CYP19A1: variants seen among roughly 807,000 people sequenced by gnomAD.
CYP19A1 encodes aromatase.
Under a neutral mutation model 44.4 loss-of-function variants are expected in CYP19A1, and 32 were observed. The ratio of observed to expected loss-of-function variants is 0.72; its 90% CI spans 0.54 to 0.97. CYP19A1 has a LOEUF of 0.97. Among genes scored for constraint, CYP19A1 ranks in the 50% least tolerant of loss-of-function variants. The pLI, the probability that CYP19A1 is intolerant of heterozygous loss-of-function variation, is 0.00. For synonymous variants in CYP19A1, 212 were observed against 215.6 expected (o/e 0.98, Z 0.14); for missense variants, 598 against 637.8 (o/e 0.94, Z 0.67).
chr15:51,218,714 A>G, intron 5 of CYP19A1, 59 bp from the exon 6 acceptor site: 2 of 1,563,472 alleles, frequency 1.3e-6, no homozygotes, highest in Admixed American at 1.9e-5. Context: ...ATGTGAGCCT[A>G]AGAAGGTTGC....
intron 1 of CYP19A1, among the ~76,000 whole-genome samples, chr15:51,255,065 G>A (rs1158809681): frequency 6.6e-6 from 1 of 152,134 alleles, no homozygotes; most frequent in Non-Finnish European, 1.5e-5. Context: ...CTTAAGCTGA[G>A]TCTTAAGGGT....
intron 1 of CYP19A1, among the ~76,000 whole-genome samples, chr15:51,281,908 C>T (rs1264455808): frequency 6.6e-6 from 1 of 152,046 alleles, no homozygotes; most frequent in Non-Finnish European, 1.5e-5. Context: ...CTCTTTGTGG[C>T]TCATATTTTG....
At chr15:51,252,948 G>T (rs1288088931) in intron 1 of CYP19A1, among the ~76,000 whole-genome samples, 1 of 152,160 alleles carries the variant, frequency 6.6e-6, no homozygotes, top group Non-Finnish European at 1.5e-5. Context: ...GGCTTTATGA[G>T]TAGGTCTTGA....
chr15:51,223,605 A>T (rs1038050483), intron 4 of CYP19A1, among the ~76,000 whole-genome samples: 14 of 145,096 alleles, frequency 9.6e-5, no homozygotes, highest in Admixed American at 1.3e-4. Context: ...ACACACACAC[A>T]CACACACACA....
intron 1 of CYP19A1, among the ~76,000 whole-genome samples, chr15:51,291,539 A>G (rs1033382689): frequency 6.6e-6 from 1 of 152,244 alleles, no homozygotes; most frequent in Non-Finnish European, 1.5e-5. Context: ...AGAAAAGTGT[A>G]CAACTAGGAT....
At chr15:51,307,831 G>A (rs1369576146) in intron 1 of CYP19A1, among the ~76,000 whole-genome samples, 1 of 152,192 alleles carries the variant, frequency 6.6e-6, no homozygotes, top group Non-Finnish European at 1.5e-5. Flanking sequence ...CTCTGCAGCA[G>A]TTGTGAAACT....
chr15:51,247,465 TTTTATTTA>T (rs57266263), intron 1 of CYP19A1, among the ~76,000 whole-genome samples: 1 of 139,548 alleles, frequency 7.2e-6, no homozygotes, highest in Non-Finnish European at 1.5e-5. Context: ...TTATTTTTAT[TTTTATTTA>T]TTTATTTATT....
Position 51,237,142 on chromosome 15 carries a change from A to C in CYP19A1, c.146-133T>G, listed in dbSNP as rs984503681. The C allele has an allele frequency of 1.6e-5, 17 of 1,044,272 alleles. No individual in the cohort carries two copies. In the African/African-American group the frequency reaches 2.8e-4, roughly 17 times the overall value. 64.7% of individuals were successfully genotyped at this position (1,044,272 alleles called of 1,614,324 possible). On this transcript the variant is annotated intron_variant, in intron 2 of 9. Transcript: ENST00000396402. ...TGATGTATATCTGTGAATCACGAATAAAGTGATTTGAAACAAAACAAAACA... is the reference window on the plus strand; with the variant it reads ...TGATGTATATCTGTGAATCACGAATCAAGTGATTTGAAACAAAACAAAACA...
At chr15:51,322,911 C>T (rs2036550032) in intron 1 of CYP19A1, among the ~76,000 whole-genome samples, 1 of 152,230 alleles carries the variant, frequency 6.6e-6, no homozygotes, top group South Asian at 2.1e-4. Flanking sequence ...GTAGGGAACA[C>T]ATCCACTTCT....
At chr15:51,290,588 T>G (rs1195543523) in intron 1 of CYP19A1, among the ~76,000 whole-genome samples, 1 of 152,144 alleles carries the variant, frequency 6.6e-6, no homozygotes, top group Non-Finnish European at 1.5e-5. Flanking sequence ...TGGCACTTTG[T>G]ATGGAAAGGG....
At chr15:51,325,859 A>T (rs1331104310) in intron 1 of CYP19A1, among the ~76,000 whole-genome samples, 1 of 150,528 alleles carries the variant, frequency 6.6e-6, no homozygotes, top group African/African-American at 2.5e-5. Flanking sequence ...AAAAAAAAAA[A>T]AAAAAGGGCA....
chr15:51,230,728 C>T (rs779505169), intron 3 of CYP19A1, among the ~76,000 whole-genome samples: 4 of 150,920 alleles, frequency 2.7e-5, no homozygotes, highest in Non-Finnish European at 4.4e-5. Context: ...AAGCAATTCT[C>T]GTGCCACAGC....
In CYP19A1 at chr15:51,222,526, C is replaced by T; in HGVS notation, c.452-1G>A. 2 of 1,612,168 alleles carry T rather than the reference C, an allele frequency of 1.2e-6. No individual in the cohort carries two copies. Among genetic ancestry groups the T allele is most frequent in the Non-Finnish European group, 1.7e-6 (2 of 1,178,652 alleles). On this transcript the variant is annotated splice_acceptor_variant, in intron 4 of 9. Transcript: ENST00000396402. LOFTEE classifies it high-confidence loss of function. The stretch of plus-strand genomic sequence containing the variant: ...CGAACAAGGCCGGGGCCTGACAGAG[C>T]TGCAGAGTACACATCAGAGAATCAG...
chr15:51,292,379 T>C (rs2035867476), intron 1 of CYP19A1, among the ~76,000 whole-genome samples: 2 of 152,220 alleles, frequency 1.3e-5, no homozygotes, highest in South Asian at 4.1e-4. Context: ...TTCAACACAG[T>C]GCTAGGCTCC....
intron 1 of CYP19A1, among the ~76,000 whole-genome samples, chr15:51,326,626 C>T (rs1214374287): frequency 6.6e-6 from 1 of 152,116 alleles, no homozygotes; most frequent in African/African-American, 2.4e-5. Context: ...TAAAAAATTA[C>T]AAGTTATGGA....
At chr15:51,306,201 G>C (rs2036212537) in intron 1 of CYP19A1, among the ~76,000 whole-genome samples, 1 of 152,180 alleles carries the variant, frequency 6.6e-6, no homozygotes, top group Non-Finnish European at 1.5e-5. Flanking sequence ...TTGGTAGGGA[G>C]AGTGGACTCA....
intron 2 of CYP19A1, among the ~76,000 whole-genome samples, chr15:51,238,576 C>A (rs893440831): frequency 6.6e-6 from 1 of 152,158 alleles, no homozygotes; most frequent in Non-Finnish European, 1.5e-5. Context: ...GCAGCCTCCA[C>A]CTCCCGGGTT....
intron 1 of CYP19A1, among the ~76,000 whole-genome samples, chr15:51,285,989 C>T (rs573177499): frequency 3.3e-5 from 5 of 152,296 alleles, no homozygotes; most frequent in Non-Finnish European, 5.9e-5. Context: ...CCCATCCAGA[C>T]GGCACCAGCT....
chr15:51,279,706 G>A (rs1349381380), intron 1 of CYP19A1: 1 of 152,148 alleles, frequency 6.6e-6, no homozygotes, highest in Non-Finnish European at 1.5e-5. Flanking sequence ...GGATAGAAAT[G>A]GAAGCAGAAA....
Sources: gnomAD v4.1 joint callset for allele counts (sites outside exome capture counted in the v4.1 genomes callset) on GRCh38, gnomAD v4.1.1 for gene constraint, MANE v1.5 for transcripts, NCBI Gene and HGNC (gene_info 2026-07-23, HGNC 2026-07-21) for gene names.